Variants in XIRP2 observed in about 807,000 individuals in gnomAD.
The protein encoded by XIRP2 is xin actin binding repeat containing 2, also known as xin actin-binding repeat-containing protein 2.
Under a neutral mutation model 277.0 loss-of-function variants are expected in XIRP2, and 236 were observed. That is an observed-to-expected ratio of 0.85 (90% CI 0.77 to 0.95). XIRP2 has a LOEUF of 0.95. XIRP2 is among the 40% of genes least tolerant of loss of function. The pLI is 0.00. For synonymous variants in XIRP2, 1,490 were observed against 1,416.5 expected (o/e 1.05, Z -1.17); for missense variants, 4,640 against 4,157.5 (o/e 1.12, Z -3.19).
At chr2:166,939,760 C>A (rs1574097689) in intron 2 of XIRP2, among the ~76,000 whole-genome samples, 1 of 148,866 alleles carries the variant, frequency 6.7e-6, no homozygotes, top group South Asian at 2.1e-4. Context: ...CCTTTAAGAA[C>A]GTTGAATATT....
At chr2:167,126,345 A>G (rs781494961) in intron 2 of XIRP2, among the ~76,000 whole-genome samples, 46 of 152,112 alleles carry the variant, frequency 3.0e-4, no homozygotes, top group Non-Finnish European at 5.0e-4. Context: ...CAAGACTGGA[A>G]AGGTTGGTCA....
intron 3 of XIRP2, among the ~76,000 whole-genome samples, chr2:167,168,924 G>A (rs1340970799): frequency 6.6e-6 from 1 of 151,998 alleles, no homozygotes; most frequent in African/African-American, 2.4e-5. Flanking sequence ...ATCCATTAGG[G>A]CCCTTAGCAT....
chr2:167,243,459 C>G lies in XIRP2; in HGVS notation c.2067C>G (p.Val689=), dbSNP rs1045618124. The change falls in exon 9 of 11, where the codon GTC becomes GTG. Residue 689 remains valine (V), a synonymous_variant. Transcript: ENST00000409195. ...GTAAGGACATAACTGGGGGGGATGT[C>G]AAGACTGTGAGATACATGTTTGAAA... ...TISKDITGGD[V]KTVRYMFETQ... 2 of 1,613,840 alleles carry G rather than the reference C, an allele frequency of 1.2e-6. No homozygotes were observed. The highest frequency in any genetic ancestry group is 1.1e-5 in the South Asian group (1 of 91,066).
chr2:167,067,849 GA>G (rs1446540583), intron 2 of XIRP2, among the ~76,000 whole-genome samples: 1 of 152,136 alleles, frequency 6.6e-6, no homozygotes, highest in East Asian at 1.9e-4. Flanking sequence ...CAATGTCTTG[GA>G]GTGTTTTTCC....
At position 167,242,563 on chromosome 2, in the gene XIRP2, C is replaced by G. The variant is rs1695103537; in HGVS notation, c.1177-6C>G. 3.7e-6 allele frequency: 6 copies of G among 1,603,946 alleles called. No individual in the cohort carries two copies. Among genetic ancestry groups the G allele is most frequent in the Non-Finnish European group, 4.3e-6 (5 of 1,174,624 alleles). ...TTTATAAGATTTGATTTTCTCTCCC[C>G]TAAAGACTGAAAGTGAATATGAAGA... On this transcript the variant is annotated splice_polypyrimidine_tract_variant and splice_region_variant and intron_variant, in intron 8 of 10. Coordinates refer to ENST00000409195, the MANE Select transcript of XIRP2 (RefSeq NM_152381.6).
chr2:166,951,141 A>G (rs1686020600), intron 2 of XIRP2, among the ~76,000 whole-genome samples: 1 of 152,114 alleles, frequency 6.6e-6, no homozygotes. Context: ...AGTTTTAAAC[A>G]TAAATATGCA....
At chr2:167,043,261 A>G (rs1688708018) in intron 2 of XIRP2, among the ~76,000 whole-genome samples, 2 of 152,140 alleles carry the variant, frequency 1.3e-5, no homozygotes, top group Admixed American at 1.3e-4. Context: ...ACCTGAAGTC[A>G]CACATAGAAG....
At chr2:166,900,906 A>C (rs1684371043) in intron 1 of XIRP2, among the ~76,000 whole-genome samples, 1 of 152,126 alleles carries the variant, frequency 6.6e-6, no homozygotes, top group African/African-American at 2.4e-5. Context: ...GCTTCCACTG[A>C]CATCTAGAGG....
At position 167,243,166 on chromosome 2, in the gene XIRP2, G is replaced by C. The variant is rs904813037; in HGVS notation, c.1774G>C (p.Gly592Arg). The C allele has an allele frequency of 6.8e-6, 11 of 1,613,992 alleles. No individual in the cohort carries two copies. Among genetic ancestry groups the C allele is most frequent in the African/African-American group, 1.3e-5 (1 of 74,912 alleles). The change falls in exon 9 of 11, where the codon GGC becomes CGC. Residue 592 changes from glycine (G) to arginine (R), a missense_variant. Coordinates refer to ENST00000409195, the MANE Select transcript of XIRP2 (RefSeq NM_152381.6). ...TCAACCATTGGATTCCATCAACAAT[G>C]GCTCTCCTGATGAAGGTGATATTTC... Reference protein sequence around the residue: ...ENQPLDSINNGSPDEGDISRG... With the variant: ...ENQPLDSINNRSPDEGDISRG...
At chr2:167,189,262 T>G (rs1452110700) in intron 3 of XIRP2, among the ~76,000 whole-genome samples, 1 of 152,164 alleles carries the variant, frequency 6.6e-6, no homozygotes, top group African/African-American at 2.4e-5. Flanking sequence ...TCTTGTGCTC[T>G]CTCTCTCACA....
At chr2:166,915,150 A>G (rs920293804) in intron 2 of XIRP2, among the ~76,000 whole-genome samples, 2 of 151,674 alleles carry the variant, frequency 1.3e-5, no homozygotes, top group African/African-American at 4.8e-5. Flanking sequence ...ACAAAAAAAA[A>G]ATTAGCCAGG....
At chr2:167,202,786 T>C (rs1232466583) in intron 3 of XIRP2, among the ~76,000 whole-genome samples, 2 of 152,184 alleles carry the variant, frequency 1.3e-5, no homozygotes, top group East Asian at 1.9e-4. Flanking sequence ...TCATCTATTA[T>C]CTTACAGTTC....
intron 2 of XIRP2, among the ~76,000 whole-genome samples, chr2:167,130,232 A>G (rs1691334815): frequency 6.6e-6 from 1 of 151,902 alleles, no homozygotes; most frequent in South Asian, 2.1e-4. Flanking sequence ...TTTTTCTTTA[A>G]AAAAAACCCC....
chr2:167,175,609 G>A (rs1393786049), intron 3 of XIRP2, among the ~76,000 whole-genome samples: 1 of 152,158 alleles, frequency 6.6e-6, no homozygotes, highest in African/African-American at 2.4e-5. Context: ...CAGGAGGCAG[G>A]CGGTTCAGGG....
intron 2 of XIRP2, among the ~76,000 whole-genome samples, chr2:166,905,156 G>T (rs1684485699): frequency 6.6e-6 from 1 of 151,834 alleles, no homozygotes; most frequent in Admixed American, 6.6e-5. Flanking sequence ...ATATCTTTTA[G>T]ATGAATGTTT....
rs746239830 is a variant in XIRP2, at chr2:167,249,750, A to G, written c.8358A>G (p.Thr2786=). ...AAAGAGTGACAGTACAATTGCCTACAGAATCCATACAGAAGAACCAGGAAG... is the reference window on the plus strand; with the variant it reads ...AAAGAGTGACAGTACAATTGCCTACGGAATCCATACAGAAGAACCAGGAAG... The part of the protein sequence containing the change: ...KEKRVTVQLP[T]ESIQKNQEDK... The change falls in exon 9 of 11, where the codon ACA becomes ACG. Residue 2786 remains threonine (T), a synonymous_variant. Coordinates refer to ENST00000409195, the MANE Select transcript of XIRP2 (RefSeq NM_152381.6). 6.2e-7 allele frequency: 1 copy of G among 1,613,422 alleles called. No homozygotes were observed.
At chr2:167,049,241 T>G (rs960130872) in intron 2 of XIRP2, among the ~76,000 whole-genome samples, 1 of 151,740 alleles carries the variant, frequency 6.6e-6, no homozygotes, top group Non-Finnish European at 1.5e-5. Flanking sequence ...TTTGGTCTGG[T>G]GCAAGCCCTA....
intron 2 of XIRP2, among the ~76,000 whole-genome samples, chr2:167,092,009 C>A (rs1328462143): frequency 6.6e-6 from 1 of 152,040 alleles, no homozygotes; most frequent in Admixed American, 6.6e-5. Context: ...ACTTGTTGGG[C>A]CAAGATCCAG....
At chr2:167,068,254 AAAAC>A (rs913476527) in intron 2 of XIRP2, among the ~76,000 whole-genome samples, 12 of 152,210 alleles carry the variant, frequency 7.9e-5, no homozygotes, top group South Asian at 4.1e-4. Context: ...AACAAACAAA[AAAAC>A]AAACAAACAC....
Sources: allele counts gnomAD v4.1 joint callset (sites outside exome capture counted in the v4.1 genomes callset), GRCh38; gene constraint gnomAD v4.1.1; transcripts MANE v1.5; gene names NCBI Gene and HGNC (gene_info 2026-07-23, HGNC 2026-07-21).